Variants in SPOCK3 observed in about 807,000 individuals in gnomAD.
The protein encoded by SPOCK3 is testican-3.
SPOCK3 carries 30 observed loss-of-function variants against 56.6 expected under a neutral mutation model. That is an observed-to-expected ratio of 0.53 (90% CI 0.40 to 0.72). The LOEUF is 0.72. Ranked by LOEUF, SPOCK3 falls within the 30% of genes least tolerant of loss-of-function variation. The probability of loss-of-function intolerance (pLI) is 0.00; values close to 1 mark genes in which losing one functional copy is unlikely to be tolerated. For synonymous variants in SPOCK3, 196 were observed against 183.3 expected, an observed-to-expected ratio of 1.07 and a Z score of -0.56; for missense variants, 527 against 530.0, an observed-to-expected ratio of 0.99 and a Z score of 0.06.
At chr4:166,899,334 TTA>T (rs762532935) in intron 5 of SPOCK3, among the ~76,000 whole-genome samples, 2 of 151,316 alleles carry the variant, frequency 1.3e-5, no homozygotes, top group South Asian at 4.2e-4. Flanking sequence ...CTGGATAACT[TTA>T]ACAAACCTTA....
chr4:167,157,771 G>C (rs1184163391), intron 2 of SPOCK3, among the ~76,000 whole-genome samples: 2 of 150,958 alleles, frequency 1.3e-5, no homozygotes, highest in Non-Finnish European at 3.0e-5. Context: ...CACACACACA[G>C]ACACACCCCC....
In SPOCK3 at chr4:167,057,619, A is replaced by C. The variant is rs867325284; in HGVS notation, c.235+4873T>G. ...CTACCAAGCAAATGGAAAACAAAAA[A>C]AGGCAGGGGTTGCAATCCTAGTCTC... On this transcript the variant is annotated intron_variant, in intron 3 of 10. Coordinates refer to ENST00000357545, the MANE Select transcript of SPOCK3 (RefSeq NM_001040159.2). Among the ~76,000 whole-genome samples, 1,047 of 152,256 alleles carry C rather than the reference A, an allele frequency of 6.9e-3. 15 individuals are homozygous for C. The highest frequency in any genetic ancestry group is 0.024 in the African/African-American group (1,004 of 41,556).
At chr4:167,183,613 A>C (rs1382452231) in intron 2 of SPOCK3, among the ~76,000 whole-genome samples, 1 of 152,246 alleles carries the variant, frequency 6.6e-6, no homozygotes, top group Non-Finnish European at 1.5e-5. Flanking sequence ...TGTGATATTC[A>C]TTGATGTTAG....
At chr4:167,222,638 ATT>A (rs1491101102) in intron 2 of SPOCK3, among the ~76,000 whole-genome samples, 3 of 140,488 alleles carry the variant, frequency 2.1e-5, no homozygotes, top group African/African-American at 7.8e-5. Flanking sequence ...ATAGATATAT[ATT>A]ATATATTCAT....
At chr4:166,847,621 C>T (rs1748196000) in intron 6 of SPOCK3, among the ~76,000 whole-genome samples, 1 of 99,050 alleles carries the variant, frequency 1.0e-5, no homozygotes, top group Non-Finnish European at 2.1e-5. Flanking sequence ...TAAAATTAAG[C>T]CACAATTCAA....
chr4:167,205,397 TATA>T (rs1248852241), intron 2 of SPOCK3, among the ~76,000 whole-genome samples: 687 of 46,434 alleles, frequency 0.015, 12 homozygotes, highest in Admixed American at 0.025. Context: ...ATATTTTATA[TATA>T]ATATATTATA....
intron 6 of SPOCK3, among the ~76,000 whole-genome samples, chr4:166,876,100 G>T (rs112596675): frequency 1.1e-3 from 174 of 152,280 alleles, no homozygotes; most frequent in African/African-American, 3.7e-3. Flanking sequence ...TGCCTTGGAA[G>T]AAGGCATTAT....
intron 2 of SPOCK3, among the ~76,000 whole-genome samples, chr4:167,202,130 AC>A (rs1465770289): frequency 5.3e-5 from 8 of 151,916 alleles, no homozygotes; most frequent in Admixed American, 5.3e-4. Flanking sequence ...TACCTGCTTC[AC>A]CTACTCCAAA....
chr4:166,984,566 G>T (rs1746932470), intron 4 of SPOCK3, among the ~76,000 whole-genome samples: 1 of 152,200 alleles, frequency 6.6e-6, no homozygotes, highest in East Asian at 1.9e-4. Context: ...AGGATCAACA[G>T]GAGGGGTGCT....
At chr4:166,769,855 A>T (rs967896595) in intron 7 of SPOCK3, among the ~76,000 whole-genome samples, 1 of 152,202 alleles carries the variant, frequency 6.6e-6, no homozygotes, top group East Asian at 1.9e-4. Context: ...GCTTCCTGGC[A>T]GCTTTGTTTA....
chr4:167,217,351 A>G (rs1735462372), intron 2 of SPOCK3, among the ~76,000 whole-genome samples: 1 of 150,960 alleles, frequency 6.6e-6, no homozygotes, highest in Non-Finnish European at 1.5e-5. Context: ...GAACATGTAC[A>G]GATGTTTTTT....
intron 2 of SPOCK3, among the ~76,000 whole-genome samples, chr4:167,154,217 C>T (rs112064670): frequency 3.3e-5 from 5 of 152,088 alleles, no homozygotes; most frequent in South Asian, 4.2e-4. Context: ...CACATGCACG[C>T]GTGCACACAC....
chr4:167,091,333 A>G (rs1446802095), intron 2 of SPOCK3, among the ~76,000 whole-genome samples: 6 of 152,216 alleles, frequency 3.9e-5, no homozygotes, highest in Non-Finnish European at 7.3e-5. Context: ...TTCATAATGA[A>G]CTGTTCAATA....
intron 4 of SPOCK3, among the ~76,000 whole-genome samples, chr4:166,924,006 G>T (rs1271308636): frequency 6.6e-6 from 1 of 152,174 alleles, no homozygotes; most frequent in Non-Finnish European, 1.5e-5. Context: ...GTCACTGGAG[G>T]AAAGCTGAAA....
chr4:166,991,083 C>CT (rs895054524), intron 4 of SPOCK3, among the ~76,000 whole-genome samples: 19 of 151,912 alleles, frequency 1.3e-4, no homozygotes, highest in South Asian at 6.2e-4. Context: ...TGTGGAGCCT[C>CT]TTTTTTTAAG....
chr4:167,057,931 G>C (rs1300420840), intron 3 of SPOCK3, among the ~76,000 whole-genome samples: 1 of 152,122 alleles, frequency 6.6e-6, no homozygotes, highest in Admixed American at 6.6e-5. Context: ...TCTGCACCAA[G>C]AGGACCTAAT....
intron 2 of SPOCK3, among the ~76,000 whole-genome samples, chr4:167,162,241 T>C (rs879267717): frequency 5.3e-5 from 8 of 152,116 alleles, no homozygotes; most frequent in Non-Finnish European, 1.2e-4. Context: ...AAAGCTTTTG[T>C]GTTACACTAA....
intron 5 of SPOCK3, among the ~76,000 whole-genome samples, chr4:166,906,625 T>G (rs1473088246): frequency 6.6e-6 from 1 of 151,912 alleles, no homozygotes; most frequent in Non-Finnish European, 1.5e-5. Context: ...CACAGAAAAT[T>G]GACAATATAG....
chr4:166,780,781 G>A (rs1209546207), intron 7 of SPOCK3, among the ~76,000 whole-genome samples: 2 of 152,070 alleles, frequency 1.3e-5, no homozygotes, highest in African/African-American at 2.4e-5. Flanking sequence ...ATGAAGGAAT[G>A]CTCTCACTAC....
Sources: allele counts gnomAD v4.1 joint callset (sites outside exome capture counted in the v4.1 genomes callset), GRCh38; gene constraint gnomAD v4.1.1; transcripts MANE v1.5; gene names NCBI Gene and HGNC (gene_info 2026-07-23, HGNC 2026-07-21).